SFXN2: variants seen among roughly 807,000 people sequenced by gnomAD.
SFXN2 encodes the protein sideroflexin-2.
A neutral mutation model predicts 41.9 loss-of-function variants in SFXN2; 37 were observed. The ratio of observed to expected loss-of-function variants is 0.88; its 90% confidence interval spans 0.68 to 1.16. The LOEUF is 1.16. SFXN2 is among the 50% of genes most tolerant of loss of function. The pLI, the probability that SFXN2 is intolerant of heterozygous loss-of-function variation, is 0.00. For missense variants in SFXN2, 386 were observed against 425.2 expected (o/e 0.91, Z 0.81); for synonymous variants, 150 against 156.7 (o/e 0.96, Z 0.32).
intron 1 of SFXN2, among the ~76,000 whole-genome samples, chr10:102,720,309 A>C (rs1157674715): frequency 2.0e-5 from 3 of 150,384 alleles, no homozygotes; most frequent in African/African-American, 4.9e-5. Context: ...AAAAAAAAAA[A>C]AAAAAAAACC....
chr10:102,718,541 G>A (rs941759511), intron 1 of SFXN2, among the ~76,000 whole-genome samples: 14 of 152,268 alleles, frequency 9.2e-5, no homozygotes, highest in Non-Finnish European at 1.9e-4. Flanking sequence ...GAGAGGGGAA[G>A]TCTGTTTTGG....
rs998690781 is a variant in SFXN2, at chr10:102,719,396, A to T, written c.-26+4715A>T. 1.3e-3 allele frequency among the ~76,000 whole-genome samples: 177 copies of T among 141,240 alleles called. 1 individual carries two copies. Among genetic ancestry groups the T allele is most frequent in the African/African-American group, 4.4e-3 (167 of 38,240 alleles). The allele number at this position is 141,240 out of a possible 152,430, so 92.7% of individuals were successfully genotyped here. A position where few individuals can be genotyped will look rare whatever the true frequency, so the allele number is the denominator to read the frequency against. ...GCCACCACGCCCAGCTAATTTTTGT[A>T]TTTTTTTTTTTTATTAGAGATGGGG... On this transcript the variant is annotated intron_variant, in intron 1 of 11. Transcript: ENST00000369893.
At chr10:102,716,970 T>C (rs931992184) in intron 1 of SFXN2, among the ~76,000 whole-genome samples, 16 of 152,080 alleles carry the variant, frequency 1.1e-4, no homozygotes, top group Admixed American at 6.5e-5. Context: ...TTGTTCGTGT[T>C]TATATCTGCT....
intron 1 of SFXN2, among the ~76,000 whole-genome samples, chr10:102,718,089 T>G (rs1289712418): frequency 6.6e-6 from 1 of 151,744 alleles, no homozygotes; most frequent in Admixed American, 6.5e-5. Flanking sequence ...TTTGTTTTGT[T>G]TTTGTTTTGG....
At chr10:102,718,553 A>T (rs2064452264) in intron 1 of SFXN2, among the ~76,000 whole-genome samples, 1 of 152,228 alleles carries the variant, frequency 6.6e-6, no homozygotes, top group Non-Finnish European at 1.5e-5. Flanking sequence ...CTGTTTTGGC[A>T]GTGGACTCTT....
At chr10:102,736,563 C>A (rs1011207781) in intron 11 of SFXN2, among the ~76,000 whole-genome samples, 1 of 151,988 alleles carries the variant, frequency 6.6e-6, no homozygotes, top group Non-Finnish European at 1.5e-5. Context: ...ATTATAGGCA[C>A]GTGCCACCAC....
rs567802680 is a variant in SFXN2, at chr10:102,741,112, A to T, written c.*3350A>T. On this transcript the variant is annotated 3_prime_UTR_variant, in exon 12 of 12. Transcript: ENST00000369893. ...TGGCTGCTGTGGGATGTTGAATAAG[A>T]GGCAGTTAAGGTTACTAAAAGGCCT... 1 of 152,312 alleles carries T rather than the reference A, an allele frequency of 6.6e-6. No individual in the cohort carries two copies. Among genetic ancestry groups the T allele is most frequent in the South Asian group, 2.1e-4 (1 of 4,820 alleles). 9.4% of individuals were successfully genotyped at this position (152,312 alleles called of 1,614,324 possible).
chr10:102,736,789 G>T (rs2064786478), intron 11 of SFXN2, among the ~76,000 whole-genome samples: 1 of 151,710 alleles, frequency 6.6e-6, no homozygotes, highest in Non-Finnish European at 1.5e-5. Context: ...GACCTCAGGT[G>T]ATCTGCCCGC....
Position 102,729,653 on chromosome 10 carries a change from T to C in SFXN2, c.508-70T>C, listed in dbSNP as rs556127169. 4 of 1,487,206 alleles carry C rather than the reference T, an allele frequency of 2.7e-6. No individual in the cohort carries two copies. The African/African-American group carries it at 4.2e-5, about 16-fold the overall frequency. 92.1% of individuals were successfully genotyped at this position (1,487,206 alleles called of 1,614,324 possible). The stretch of plus-strand genomic sequence containing the variant: ...CCTAGTTTTCTTTTTTGTATTCTAG[T>C]CGTTCAGCCCCCTCCCCTCCCATCT... On this transcript the variant is annotated intron_variant, in intron 5 of 11. Transcript: ENST00000369893.
intron 8 of SFXN2, 67 bp from the exon 9 acceptor site, chr10:102,732,792 G>C: frequency 6.4e-7 from 1 of 1,550,458 alleles, no homozygotes; most frequent in Non-Finnish European, 8.9e-7. Context: ...TTCCTGGTCT[G>C]ACTTCAGAAG....
chr10:102,733,490 G>A, intron 9 of SFXN2, 64 bp from the exon 10 acceptor site: 1 of 1,370,964 alleles, frequency 7.3e-7, no homozygotes, highest in Non-Finnish European at 1.0e-6. Context: ...GCAGAGCAGG[G>A]TTGGGGTTCA....
At chr10:102,715,823 T>C (rs1247281220) in intron 1 of SFXN2, among the ~76,000 whole-genome samples, 1 of 151,500 alleles carries the variant, frequency 6.6e-6, no homozygotes, top group Non-Finnish European at 1.5e-5. Context: ...CGTGGCGCAC[T>C]TGTAGTCCTA....
intron 1 of SFXN2, among the ~76,000 whole-genome samples, chr10:102,722,166 T>C (rs1308959864): frequency 6.6e-6 from 1 of 152,272 alleles, no homozygotes; most frequent in Non-Finnish European, 1.5e-5. Flanking sequence ...CCTGAAGCTT[T>C]CAGGCAAACA....
At chr10:102,732,083 C>T in intron 7 of SFXN2, 69 bp from the exon 8 acceptor site, 1 of 1,464,638 alleles carries the variant, frequency 6.8e-7, no homozygotes, top group Non-Finnish European at 9.4e-7. Context: ...GATGCTGACC[C>T]AGCCCCCTGG....
rs1418151307 is a variant in SFXN2 at position 102,734,677 on chromosome 10, A to C, written c.821+1074A>C. Reference sequence around the variant, plus strand: ...CTCACAGTAACCCTGCAAAGTAGGCACTGCAAAGTGGTCTGCAGTAGCCCT... The same window carrying C: ...CTCACAGTAACCCTGCAAAGTAGGCCCTGCAAAGTGGTCTGCAGTAGCCCT... On this transcript the variant is annotated intron_variant, in intron 10 of 11. Transcript: ENST00000369893. This position sits in a 1 kb window ranked among gnomAD's most constrained non-coding sequence, Gnocchi z 4.1. Among the ~76,000 whole-genome samples, 2 of 152,210 alleles carry C rather than the reference A, an allele frequency of 1.3e-5. No homozygotes were observed. The highest frequency in any genetic ancestry group is 2.9e-5 in the Non-Finnish European group (2 of 68,040).
chr10:102,717,066 C>T (rs1035020324), intron 1 of SFXN2, among the ~76,000 whole-genome samples: 21 of 151,810 alleles, frequency 1.4e-4, no homozygotes, highest in African/African-American at 4.1e-4. Flanking sequence ...CTTCAGTTTC[C>T]TCTTCTGTAA....
At chr10:102,717,040 T>C (rs1388540192) in intron 1 of SFXN2, among the ~76,000 whole-genome samples, 3 of 151,906 alleles carry the variant, frequency 2.0e-5, no homozygotes, top group African/African-American at 7.3e-5. Flanking sequence ...GCCCAATCCA[T>C]GTGCACCTTT....
At chr10:102,735,408 G>C (rs1326606906) in intron 10 of SFXN2, among the ~76,000 whole-genome samples, 1 of 125,178 alleles carries the variant, frequency 8.0e-6, no homozygotes, top group African/African-American at 3.1e-5. Context: ...AGTTGCTCCT[G>C]TCCCTCCATG....
chr10:102,723,520 G>A (rs1182586084), intron 1 of SFXN2, among the ~76,000 whole-genome samples: 1 of 152,168 alleles, frequency 6.6e-6, no homozygotes, highest in Non-Finnish European at 1.5e-5. Flanking sequence ...CCAAAGTGTT[G>A]GGATTACAGG....
Sources: gnomAD v4.1 joint callset for allele counts (sites outside exome capture counted in the v4.1 genomes callset) on GRCh38, gnomAD v4.1.1 for gene constraint, Gnocchi (gnomAD v3.1) non-coding constraint, MANE v1.5 for transcripts, NCBI Gene and HGNC (gene_info 2026-07-23, HGNC 2026-07-21) for gene names.